Variants in EPHA5 observed in about 807,000 individuals in gnomAD.
The protein encoded by EPHA5 is ephrin type-A receptor 5.
Under a neutral mutation model 105.0 loss-of-function variants are expected in EPHA5, and 60 were observed. That is an observed-to-expected ratio of 0.57 (90% CI 0.46 to 0.71). The LOEUF (loss-of-function observed/expected upper bound fraction) is 0.71. Ranked by LOEUF, EPHA5 falls within the 30% of genes least tolerant of loss-of-function variation. The pLI is 0.00. For synonymous variants in EPHA5, 513 were observed against 449.1 expected (o/e 1.14, Z -1.80); for missense variants, 1,218 against 1,274.7 (o/e 0.96, Z 0.68).
chr4:65,392,640 A>G (rs1720834483), intron 8 of EPHA5, among the ~76,000 whole-genome samples: 1 of 152,192 alleles, frequency 6.6e-6, no homozygotes, highest in African/African-American at 2.4e-5. Context: ...ACTCCTATGC[A>G]CTACTTCTTG....
rs1731290276 is a variant in EPHA5 at position 65,490,465 on chromosome 4, G to A, written c.1314C>T (p.Thr438=). The A allele has an allele frequency of 1.2e-6, 2 of 1,614,000 alleles. No homozygotes were observed. Among genetic ancestry groups the A allele is most frequent in the Non-Finnish European group, 8.5e-7 (1 of 1,180,020 alleles). Reference sequence around the variant, plus strand: ...CTCCATTCACTGCCTCAATCTCAAAGGTATAGTTTGTGTGAGCGAGTAGAT... The same window carrying A: ...CTCCATTCACTGCCTCAATCTCAAAAGTATAGTTTGTGTGAGCGAGTAGAT... The part of the protein sequence containing the change: ...MVDLLAHTNY[T]FEIEAVNGVS... Residue 438 remains threonine (T), a synonymous_variant, in exon 5 of 17, where the codon ACC becomes ACT. Transcript: ENST00000613740.
At chr4:65,558,646 A>T (rs1442115901) in intron 3 of EPHA5, among the ~76,000 whole-genome samples, 1 of 151,728 alleles carries the variant, frequency 6.6e-6, no homozygotes, top group Non-Finnish European at 1.5e-5. Flanking sequence ...GCACCCATTA[A>T]CTCGTCATTT....
chr4:65,410,585 A>C (rs996471512), intron 7 of EPHA5, among the ~76,000 whole-genome samples: 1 of 152,162 alleles, frequency 6.6e-6, no homozygotes, highest in Admixed American at 6.6e-5. Flanking sequence ...CACATTTACA[A>C]AGGAATACAA....
At chr4:65,352,702 A>C (rs1722930510) in intron 12 of EPHA5, among the ~76,000 whole-genome samples, 1 of 151,852 alleles carries the variant, frequency 6.6e-6, no homozygotes, top group South Asian at 2.1e-4. Context: ...AACACTTGTA[A>C]GACCTTATTT....
chr4:65,503,898 A>G lies in EPHA5; in HGVS notation c.911-8355T>C, dbSNP rs191827044. Among the ~76,000 whole-genome samples, 25 of 111,384 alleles carry G rather than the reference A, an allele frequency of 2.2e-4. No homozygotes were observed. In the Admixed American group the frequency reaches 2.7e-3, roughly 12 times the overall value. The allele number at this position is 111,384 out of a possible 152,430, so 73.1% of individuals were successfully genotyped here. On this transcript the variant is annotated intron_variant, in intron 3 of 16. Transcript: ENST00000613740. ...ATTCAAGACAATTTTAATAGCATTC[A>G]TGTGTGTGATACACACACACACACA...
chr4:65,607,152 T>C (rs1487565758), intron 2 of EPHA5, among the ~76,000 whole-genome samples: 1 of 152,110 alleles, frequency 6.6e-6, no homozygotes, highest in Non-Finnish European at 1.5e-5. Flanking sequence ...ACTGAAGATA[T>C]CCTGATTTCA....
chr4:65,412,455 AG>A (rs1578054702), intron 7 of EPHA5, among the ~76,000 whole-genome samples: 2 of 152,244 alleles, frequency 1.3e-5, no homozygotes, highest in African/African-American at 4.8e-5. Context: ...AAAGATCAAA[AG>A]GGAATTGATA....
intron 3 of EPHA5, among the ~76,000 whole-genome samples, chr4:65,575,982 AAGAGAG>A (rs370914193): frequency 0.014 from 546 of 39,708 alleles, 37 homozygotes; most frequent in Middle Eastern, 0.029. Flanking sequence ...TCAAAAAAGA[AAGAGAG>A]AGAGAGAGAG....
chr4:65,653,875 T>C (rs1482762223), intron 1 of EPHA5, among the ~76,000 whole-genome samples: 1 of 152,116 alleles, frequency 6.6e-6, no homozygotes, highest in Non-Finnish European at 1.5e-5. Flanking sequence ...ATCAGTGATA[T>C]GCTTCATATC....
At chr4:65,482,203 CAGG>C (rs753647545) in intron 5 of EPHA5, among the ~76,000 whole-genome samples, 1 of 150,490 alleles carries the variant, frequency 6.6e-6, no homozygotes, top group Non-Finnish European at 1.5e-5. Flanking sequence ...GAGGCTGAGG[CAGG>C]AGAAGTGCTT....
chr4:65,484,707 T>C (rs553364699), intron 5 of EPHA5, among the ~76,000 whole-genome samples: 1 of 152,306 alleles, frequency 6.6e-6, no homozygotes, highest in Admixed American at 6.5e-5. Context: ...AATATACATG[T>C]ATATATATTA....
intron 3 of EPHA5, among the ~76,000 whole-genome samples, chr4:65,512,816 A>G (rs563135955): frequency 1.6e-4 from 24 of 152,322 alleles, no homozygotes; most frequent in African/African-American, 5.3e-4. Context: ...CTCATGGCGA[A>G]CCATTAAACA....
At chr4:65,416,456 C>T (rs1226892621) in intron 6 of EPHA5, among the ~76,000 whole-genome samples, 3 of 152,176 alleles carry the variant, frequency 2.0e-5, no homozygotes, top group Non-Finnish European at 4.4e-5. Flanking sequence ...TTACTTTTAA[C>T]TCTATAGCAT....
intron 5 of EPHA5, among the ~76,000 whole-genome samples, chr4:65,438,729 T>C (rs894255149): frequency 5.7e-4 from 87 of 152,008 alleles, no homozygotes; most frequent in African/African-American, 1.4e-3. Flanking sequence ...AAACTAATTT[T>C]TAGAGTTAGC....
At chr4:65,453,051 A>G (rs1352411303) in intron 5 of EPHA5, among the ~76,000 whole-genome samples, 1 of 152,176 alleles carries the variant, frequency 6.6e-6, no homozygotes, top group Non-Finnish European at 1.5e-5. Flanking sequence ...TATAAGTTAA[A>G]TGCACACAGT....
chr4:65,615,124 C>T (rs1745113880), intron 2 of EPHA5, among the ~76,000 whole-genome samples: 1 of 151,672 alleles, frequency 6.6e-6, no homozygotes, highest in Middle Eastern at 3.4e-3. Context: ...GAAAAATACA[C>T]TAAATTCATT....
chr4:65,615,035 ATACTT>A (rs1475142306), intron 2 of EPHA5, among the ~76,000 whole-genome samples: 3 of 151,888 alleles, frequency 2.0e-5, no homozygotes, highest in Non-Finnish European at 3.0e-5. Flanking sequence ...ACAGCAAAAT[ATACTT>A]TACAAAGAAT....
At chr4:65,579,997 A>G (rs1268023256) in intron 3 of EPHA5, among the ~76,000 whole-genome samples, 2 of 151,928 alleles carry the variant, frequency 1.3e-5, no homozygotes, top group African/African-American at 4.8e-5. Context: ...AATGTCCTAA[A>G]GAATGTAAAG....
chr4:65,574,497 A>C (rs2149382244), intron 3 of EPHA5, among the ~76,000 whole-genome samples: 1 of 148,970 alleles, frequency 6.7e-6, no homozygotes, highest in South Asian at 2.1e-4. Flanking sequence ...GTAAATAAAA[A>C]TTTATTAAAA....
Sources: gnomAD v4.1 joint callset for allele counts (sites outside exome capture counted in the v4.1 genomes callset) on GRCh38, gnomAD v4.1.1 for gene constraint, MANE v1.5 for transcripts, NCBI Gene and HGNC (gene_info 2026-07-23, HGNC 2026-07-21) for gene names.